GLDC: variants seen among roughly 807,000 people sequenced by gnomAD.
The protein encoded by GLDC is glycine dehydrogenase (decarboxylating), mitochondrial.
GLDC carries 104 observed loss-of-function variants against 121.3 expected under a neutral mutation model. The observed-to-expected ratio is 0.86, with a 90% CI of 0.73 to 1.01. The LOEUF is 1.01. Ranked by LOEUF, GLDC falls within the 50% of genes least tolerant of loss-of-function variation. The probability of loss-of-function intolerance (pLI) is 0.00; values close to 1 mark genes in which losing one functional copy is unlikely to be tolerated. For missense variants in GLDC, 1,429 were observed against 1,306.6 expected, an observed-to-expected ratio of 1.09 and a Z score of -1.44; for synonymous variants, 546 against 480.6, an observed-to-expected ratio of 1.14 and a Z score of -1.78.
At chr9:6,554,275 T>G (rs1587922908) in intron 19 of GLDC, among the ~76,000 whole-genome samples, 1 of 152,112 alleles carries the variant, frequency 6.6e-6, no homozygotes, top group South Asian at 2.1e-4. Context: ...TAATTCACTT[T>G]CAATGGAACC....
At chr9:6,639,126 G>A in intron 2 of GLDC, 1 of 735,298 alleles carries the variant, frequency 1.4e-6, no homozygotes, top group Admixed American at 1.9e-5. Flanking sequence ...GACAAAAACA[G>A]AGCTTTTTCA....
intron 15 of GLDC, among the ~76,000 whole-genome samples, chr9:6,581,870 G>A (rs997217549): frequency 1.3e-5 from 2 of 152,088 alleles, no homozygotes; most frequent in Non-Finnish European, 2.9e-5. Flanking sequence ...CAGTGAAAAG[G>A]AAATTCATGG....
chr9:6,593,088 T>C (rs1818410366), intron 9 of GLDC, 98 bp from the exon 10 acceptor site: 2 of 1,314,362 alleles, frequency 1.5e-6, no homozygotes, highest in Middle Eastern at 1.8e-4. Flanking sequence ...TCTACTAGAC[T>C]CTTGTTGGTC....
intron 19 of GLDC, among the ~76,000 whole-genome samples, chr9:6,553,984 G>C (rs903033592): frequency 2.6e-5 from 4 of 151,600 alleles, no homozygotes; most frequent in African/African-American, 9.7e-5. Flanking sequence ...TTTAACCGTA[G>C]TCCAAGAAAA....
chr9:6,599,172 A>G (rs1818549627), intron 8 of GLDC, among the ~76,000 whole-genome samples: 1 of 151,506 alleles, frequency 6.6e-6, no homozygotes, highest in Non-Finnish European at 1.5e-5. Context: ...CAACAAGAGA[A>G]AGACTCCGTC....
At chr9:6,614,751 T>C (rs1250682500) in intron 3 of GLDC, among the ~76,000 whole-genome samples, 2 of 152,098 alleles carry the variant, frequency 1.3e-5, no homozygotes, top group East Asian at 1.9e-4. Context: ...GAGAAATACA[T>C]CGTTAGGTGA....
chr9:6,543,530 C>T (rs1817315107), intron 21 of GLDC, among the ~76,000 whole-genome samples: 1 of 152,138 alleles, frequency 6.6e-6, no homozygotes, highest in Non-Finnish European at 1.5e-5. Flanking sequence ...CCCACCATAG[C>T]CAAGAGGTTT....
intron 3 of GLDC, among the ~76,000 whole-genome samples, chr9:6,613,483 G>C (rs78292560): frequency 0.027 from 4,135 of 152,210 alleles, 182 homozygotes; most frequent in African/African-American, 0.083. Flanking sequence ...AGAAGTTTTT[G>C]TATCTTAACT....
chr9:6,561,773 T>C (rs987695715), intron 16 of GLDC, among the ~76,000 whole-genome samples: 2 of 152,226 alleles, frequency 1.3e-5, no homozygotes, highest in Admixed American at 1.3e-4. Flanking sequence ...GTGCTATGTT[T>C]TCTCAACTCC....
chr9:6,611,492 G>T (rs371182799), intron 3 of GLDC, among the ~76,000 whole-genome samples: 1 of 151,546 alleles, frequency 6.6e-6, no homozygotes, highest in African/African-American at 2.4e-5. Flanking sequence ...CGGGGCGGAG[G>T]TTGCAGTGAG....
rs1819728398 is a variant in GLDC at position 6,645,466 on chromosome 9, G to A, written c.34C>T (p.Leu12=). The A allele has an allele frequency of 8.0e-7, 1 of 1,247,878 alleles. No homozygotes were observed. Among genetic ancestry groups the A allele is most frequent in the South Asian group, 3.3e-5 (1 of 30,278 alleles). 77.3% of individuals were successfully genotyped at this position (1,247,878 alleles called of 1,614,324 possible). Residue 12 remains leucine (L), a synonymous_variant, in exon 1 of 25, where the codon CTG becomes TTG. Transcript: ENST00000321612. ...QSCARAWGLR[L]GRGVGGGRRL... is the part of the protein sequence containing the mutation. The stretch of plus-strand genomic sequence containing the variant: ...CGGCCGCCCCCGACCCCGCGGCCCA[G>A]GCGCAGCCCCCACGCCCTGGCACAG...
intron 4 of GLDC, among the ~76,000 whole-genome samples, chr9:6,607,032 C>A (rs1465865065): frequency 6.6e-6 from 1 of 151,902 alleles, no homozygotes; most frequent in Non-Finnish European, 1.5e-5. Flanking sequence ...CGCTGCTGCA[C>A]TCCATCCTGC....
intron 2 of GLDC, among the ~76,000 whole-genome samples, chr9:6,636,854 C>T (rs1455222224): frequency 2.0e-5 from 3 of 152,000 alleles, no homozygotes; most frequent in Non-Finnish European, 2.9e-5. Flanking sequence ...GAGGCTGAGG[C>T]GGGCAGATCA....
chr9:6,601,794 T>G (rs1818616726), intron 8 of GLDC, among the ~76,000 whole-genome samples: 1 of 152,064 alleles, frequency 6.6e-6, no homozygotes, highest in Non-Finnish European at 1.5e-5. Flanking sequence ...ACGGCTAATT[T>G]ATTTTATTTT....
chr9:6,611,333 G>A (rs6477098), intron 3 of GLDC, among the ~76,000 whole-genome samples: 50,887 of 152,018 alleles, frequency 0.33, 12,966 homozygotes, highest in African/African-American at 0.72. Context: ...CAAGGCGGGC[G>A]GATCACGAGG....
At chr9:6,638,146 A>G (rs1008621691) in intron 2 of GLDC, among the ~76,000 whole-genome samples, 4 of 151,850 alleles carry the variant, frequency 2.6e-5, no homozygotes, top group Non-Finnish European at 4.4e-5. Flanking sequence ...TGTCTTGCAC[A>G]TTGCATTTCT....
chr9:6,630,809 T>C (rs1467863240), intron 2 of GLDC, among the ~76,000 whole-genome samples: 1 of 152,186 alleles, frequency 6.6e-6, no homozygotes, highest in Non-Finnish European at 1.5e-5. Context: ...TCCATCTGCA[T>C]GCTGATCCTT....
chr9:6,543,976 T>G (rs918349522), intron 21 of GLDC, among the ~76,000 whole-genome samples: 1 of 152,116 alleles, frequency 6.6e-6, no homozygotes, highest in Non-Finnish European at 1.5e-5. Flanking sequence ...GATTGTCTTC[T>G]GAGGGTAAGA....
rs115703938 is a variant in GLDC at position 6,589,448 on chromosome 9, G to T, written c.1483-156C>A. ...ATTTATTTATTTATTTAATATTTTT[G>T]GAGGCAGGGTCTTTCTCTAGCACCC... is the stretch of plus-strand genomic sequence containing the variant. On this transcript the variant is annotated intron_variant, in intron 11 of 24. Coordinates refer to ENST00000321612, the MANE Select transcript of GLDC (RefSeq NM_000170.3). 0.017 allele frequency among the ~76,000 whole-genome samples: 2,521 copies of T among 151,892 alleles called. 63 individuals are homozygous for T. Among genetic ancestry groups the T allele is most frequent in the African/African-American group, 0.058 (2,398 of 41,462 alleles).
Sources: allele counts gnomAD v4.1 joint callset (sites outside exome capture counted in the v4.1 genomes callset), GRCh38; gene constraint gnomAD v4.1.1; transcripts MANE v1.5; gene names NCBI Gene and HGNC (gene_info 2026-07-23, HGNC 2026-07-21).